TRIP12: variants seen among roughly 807,000 people sequenced by gnomAD.
TRIP12 encodes E3 ubiquitin-protein ligase TRIP12.
TRIP12 carries 25 observed loss-of-function variants against 244.2 expected under a neutral mutation model. That is an observed-to-expected ratio of 0.10 (90% CI 0.07 to 0.14). The LOEUF is 0.14. Ranked by LOEUF, TRIP12 falls within the 10% of genes least tolerant of loss-of-function variation. TRIP12 has a pLI of 1.00. For synonymous variants in TRIP12, 905 were observed against 873.1 expected (o/e 1.04, Z -0.64); for missense variants, 1,677 against 2,486.4 (o/e 0.67, Z 6.92).
chr2:229,777,632 A>C (rs529803658), intron 36 of TRIP12, among the ~76,000 whole-genome samples, 153 bp from the exon 37 acceptor site: 3 of 152,336 alleles, frequency 2.0e-5, no homozygotes, highest in Non-Finnish European at 4.4e-5. Context: ...CTCCCACTAC[A>C]CAAAATTGAT....
chr2:229,920,751 T>G (rs1201048640), intron 1 of TRIP12, among the ~76,000 whole-genome samples: 1 of 152,134 alleles, frequency 6.6e-6, no homozygotes, highest in Non-Finnish European at 1.5e-5. Flanking sequence ...TTTTTCCGCA[T>G]TTTTCCGTCT....
chr2:229,808,221 C>T (rs1452891623), intron 16 of TRIP12, 31 bp downstream of exon 16: 8 of 1,535,178 alleles, frequency 5.2e-6, no homozygotes, highest in African/African-American at 1.4e-5. Context: ...CCGCCTTGGC[C>T]TCCCAAAGTG....
At position 229,880,021 on chromosome 2, in the gene TRIP12, G is replaced by A; in HGVS notation, c.59C>T (p.Thr20Ile). The A allele has an allele frequency of 6.2e-7, 1 of 1,614,132 alleles. No individual in the cohort carries two copies. Among genetic ancestry groups the A allele is most frequent in the Non-Finnish European group, 8.5e-7 (1 of 1,180,020 alleles). The change falls in exon 2 of 42, where the codon ACT becomes ATT. Residue 20 changes from threonine to isoleucine, a missense_variant. Physicochemically the swap from Thr to Ile is moderately conservative, Grantham distance 89 (BLOSUM62 -1). Transcript: ENST00000675903. ...GGSLRRSQRN[T>I]AGAQPQDDSI... is the part of the protein sequence containing the mutation. ...GTCGTCTTGTGGTTGGGCCCCGGCA[G>A]TGTTCCTCTGTGAACGTCGCAGTGA...
chr2:229,812,966 T>C (rs2047631785), intron 13 of TRIP12, among the ~76,000 whole-genome samples: 1 of 152,206 alleles, frequency 6.6e-6, no homozygotes, highest in South Asian at 2.1e-4. Flanking sequence ...TATTTCTCTG[T>C]AGCTAAAAAA....
At chr2:229,834,815 G>C (rs910078446) in intron 6 of TRIP12, among the ~76,000 whole-genome samples, 1 of 151,870 alleles carries the variant, frequency 6.6e-6, no homozygotes, top group South Asian at 2.1e-4. Flanking sequence ...GTGGGAAAGC[G>C]TGGCAAACAC....
At chr2:229,890,382 G>A (rs1190371903) in intron 1 of TRIP12, among the ~76,000 whole-genome samples, 1 of 152,148 alleles carries the variant, frequency 6.6e-6, no homozygotes, top group Non-Finnish European at 1.5e-5. Flanking sequence ...TTACAGGTGT[G>A]AGCCACCACA....
intron 33 of TRIP12, among the ~76,000 whole-genome samples, chr2:229,787,031 C>T (rs2040265297): frequency 6.6e-6 from 1 of 152,150 alleles, no homozygotes; most frequent in African/African-American, 2.4e-5. Context: ...ATTAAGTTAG[C>T]AATACTGGAG....
rs930853963 is a variant in TRIP12, at chr2:229,795,031, A to C, written c.3968+148T>G. ...TTAAAGATAAGAAAGCATTTGATTC[A>C]TTCTTTAGAGTGCTTAATTTCTTTC... On this transcript the variant is annotated intron_variant, in intron 26 of 41. Transcript: ENST00000675903. 7.0e-6 allele frequency: 6 copies of C among 853,418 alleles called. No individual in the cohort carries two copies. In the African/African-American group the frequency reaches 8.6e-5, roughly 12 times the overall value. 52.9% of individuals were successfully genotyped at this position (853,418 alleles called of 1,614,324 possible). A position where few individuals can be genotyped will look rare whatever the true frequency, so the allele number is the denominator to read the frequency against.
chr2:229,823,333 C>T lies in TRIP12; in HGVS notation c.1451-4821G>A, dbSNP rs188842447. ...TTTTACATTTTTTTTGAGACAGGGT[C>T]CCATGCTGGATTGCAGTAGCCCGAT... On this transcript the variant is annotated intron_variant, in intron 8 of 41. Transcript: ENST00000675903. 3.1e-3 allele frequency among the ~76,000 whole-genome samples: 479 copies of T among 152,118 alleles called. 3 individuals are homozygous for T. Among genetic ancestry groups the T allele is most frequent in the African/African-American group, 0.011 (465 of 41,504 alleles).
In TRIP12 at chr2:229,777,440, G is replaced by A. The variant is rs758021477; in HGVS notation, c.5404C>T (p.Leu1802=). The A allele has an allele frequency of 1.9e-6, 3 of 1,613,880 alleles. No homozygotes were observed. Among genetic ancestry groups the A allele is most frequent in the Non-Finnish European group, 2.5e-6 (3 of 1,179,834 alleles). Reference sequence around the variant, plus strand: ...GATGTCAGTGAAGTTTCTTGCCGTAGCATCCATTTATAAAAGGGTAAGCCA... The same window carrying A: ...GATGTCAGTGAAGTTTCTTGCCGTAACATCCATTTATAAAAGGGTAAGCCA... The part of the protein sequence containing the change: ...PLGLPFYKWM[L]RQETSLTSHD... Residue 1802 remains leucine (L), a synonymous_variant, in exon 37 of 42, where the codon CTA becomes TTA. Coordinates refer to ENST00000675903, the MANE Select transcript of TRIP12 (RefSeq NM_001348323.3).
intron 1 of TRIP12, among the ~76,000 whole-genome samples, chr2:229,907,323 C>T (rs1487794808): frequency 6.6e-6 from 1 of 152,142 alleles, no homozygotes; most frequent in Non-Finnish European, 1.5e-5. Context: ...ATATTTTACA[C>T]AGTAACATGC....
At chr2:229,808,699 A>G (rs1392025344) in intron 15 of TRIP12, among the ~76,000 whole-genome samples, 1 of 152,248 alleles carries the variant, frequency 6.6e-6, no homozygotes, top group African/African-American at 2.4e-5. Flanking sequence ...AATGCATTCA[A>G]CATACCACAA....
At chr2:229,817,787 G>A (rs538539913) in intron 9 of TRIP12, among the ~76,000 whole-genome samples, 1 of 152,178 alleles carries the variant, frequency 6.6e-6, no homozygotes, top group South Asian at 2.1e-4. Flanking sequence ...TAGAGATGGG[G>A]TTTCACCATG....
intron 4 of TRIP12, among the ~76,000 whole-genome samples, chr2:229,854,973 C>A (rs1047484040): frequency 3.9e-5 from 6 of 152,148 alleles, no homozygotes; most frequent in Middle Eastern, 3.2e-3. Flanking sequence ...AAAATACTTG[C>A]CACACAAAGG....
intron 5 of TRIP12, among the ~76,000 whole-genome samples, chr2:229,839,701 T>C (rs1000390220): frequency 6.7e-6 from 1 of 148,290 alleles, no homozygotes; most frequent in Non-Finnish European, 1.5e-5. Context: ...AAGAAAAAAG[T>C]GGCATGACTT....
At chr2:229,890,206 A>G (rs1435811142) in intron 1 of TRIP12, among the ~76,000 whole-genome samples, 1 of 151,478 alleles carries the variant, frequency 6.6e-6, no homozygotes, top group Non-Finnish European at 1.5e-5. Flanking sequence ...CAGCCTCCTC[A>G]GCAGCTGGGA....
chr2:229,845,794 G>A (rs1367916269), intron 4 of TRIP12, among the ~76,000 whole-genome samples: 3 of 152,064 alleles, frequency 2.0e-5, no homozygotes, highest in African/African-American at 7.2e-5. Context: ...AGAATGCAGA[G>A]GCAGGAGGAT....
chr2:229,921,078 T>A (rs1433959665), intron 1 of TRIP12, among the ~76,000 whole-genome samples: 1 of 150,228 alleles, frequency 6.7e-6, no homozygotes, highest in Admixed American at 6.6e-5. Context: ...TTCTGATCTA[T>A]TTAAAAGGAT....
At chr2:229,883,750 TAATC>T (rs2065347201) in intron 1 of TRIP12, among the ~76,000 whole-genome samples, 1 of 152,244 alleles carries the variant, frequency 6.6e-6, no homozygotes, top group South Asian at 2.1e-4. Flanking sequence ...ACGACAATTT[TAATC>T]ACAGAGTATA....
Sources: gnomAD v4.1 joint callset for allele counts (sites outside exome capture counted in the v4.1 genomes callset) on GRCh38, gnomAD v4.1.1 for gene constraint, MANE v1.5 for transcripts, NCBI Gene and HGNC (gene_info 2026-07-23, HGNC 2026-07-21) for gene names.